Variants in WNT2 observed in about 807,000 individuals in gnomAD.
WNT2 encodes the protein Wnt family member 2.
Under a neutral mutation model 36.9 loss-of-function variants are expected in WNT2, and 12 were observed. That is an observed-to-expected ratio of 0.33 (90% CI 0.21 to 0.53). WNT2 has a LOEUF of 0.53. WNT2 is among the 20% of genes least tolerant of loss of function. The pLI is 0.95. For missense variants in WNT2, 379 were observed against 473.1 expected (o/e 0.80, Z 1.84); for synonymous variants, 163 against 174.6 (o/e 0.93, Z 0.52).
intron 3 of WNT2, among the ~76,000 whole-genome samples, chr7:117,311,974 C>G (rs1795129880): frequency 1.3e-5 from 2 of 152,286 alleles, no homozygotes; most frequent in African/African-American, 4.8e-5. Context: ...AAAGTATTTT[C>G]ATGGAATTCC....
At chr7:117,311,459 T>C (rs1795121197) in intron 3 of WNT2, among the ~76,000 whole-genome samples, 1 of 152,240 alleles carries the variant, frequency 6.6e-6, no homozygotes, top group South Asian at 2.1e-4. Context: ...GACCCTGCTT[T>C]AGTCTCTCCA....
At chr7:117,295,120 G>A (rs562900174) in intron 4 of WNT2, among the ~76,000 whole-genome samples, 3 of 149,264 alleles carry the variant, frequency 2.0e-5, no homozygotes, top group Non-Finnish European at 4.4e-5. Context: ...GAAGAGAGAC[G>A]AGACGAGACG....
At chr7:117,300,210 C>A (rs1267113107) in intron 3 of WNT2, among the ~76,000 whole-genome samples, 1 of 152,064 alleles carries the variant, frequency 6.6e-6, no homozygotes, top group Non-Finnish European at 1.5e-5. Context: ...GTTTTTGAGA[C>A]TGTGTCTTGC....
intron 2 of WNT2, among the ~76,000 whole-genome samples, chr7:117,317,265 G>A (rs979311372): frequency 6.6e-6 from 1 of 152,202 alleles, no homozygotes; most frequent in African/African-American, 2.4e-5. Flanking sequence ...AATTGTCTAG[G>A]TGCAGAATTC....
chr7:117,320,479 T>C, intron 2 of WNT2, 88 bp downstream of exon 2: 3 of 1,293,876 alleles, frequency 2.3e-6, no homozygotes, highest in Non-Finnish European at 3.3e-6. Context: ...TAAAATGCAA[T>C]AGAAGATAAG....
chr7:117,290,575 A>C (rs893326225), intron 4 of WNT2, among the ~76,000 whole-genome samples: 2 of 152,236 alleles, frequency 1.3e-5, no homozygotes, highest in Admixed American at 1.3e-4. Flanking sequence ...ATGAATTTCT[A>C]TAAGTGTCAA....
intron 3 of WNT2, among the ~76,000 whole-genome samples, chr7:117,309,329 C>T (rs1295022117): frequency 4.6e-5 from 7 of 152,270 alleles, no homozygotes; most frequent in South Asian, 4.2e-4. Flanking sequence ...TCTGTCCCAG[C>T]GCCCAGGTAG....
chr7:117,292,910 G>C (rs946362053), intron 4 of WNT2, among the ~76,000 whole-genome samples: 7 of 152,040 alleles, frequency 4.6e-5, no homozygotes, highest in African/African-American at 1.7e-4. Flanking sequence ...CTAATAATTA[G>C]GGAAAATTAG....
chr7:117,286,297 T>C (rs183961640), intron 4 of WNT2, among the ~76,000 whole-genome samples: 50 of 152,282 alleles, frequency 3.3e-4, no homozygotes, highest in Middle Eastern at 3.4e-3. Flanking sequence ...CTGTCTCCAC[T>C]AACATGCATC....
intron 4 of WNT2, among the ~76,000 whole-genome samples, chr7:117,290,966 A>T (rs1794678751): frequency 6.6e-6 from 1 of 152,260 alleles, no homozygotes; most frequent in Non-Finnish European, 1.5e-5. Context: ...ATTGGCTGAC[A>T]TATTTTTAAT....
intron 3 of WNT2, among the ~76,000 whole-genome samples, chr7:117,301,876 C>T (rs937637459): frequency 5.0e-5 from 7 of 139,566 alleles, no homozygotes; most frequent in Admixed American, 1.5e-4. Context: ...GGTGTGATCT[C>T]GGCTCACTGC....
chr7:117,278,116 C>T lies in WNT2; in HGVS notation c.*39G>A, dbSNP rs1463363800. 2.5e-6 allele frequency: 4 copies of T among 1,605,384 alleles called. No individual in the cohort carries two copies. The highest frequency in any genetic ancestry group is 1.7e-5 in the Admixed American group (1 of 59,948). On this transcript the variant is annotated 3_prime_UTR_variant, in exon 5 of 5. Transcript: ENST00000265441. ...AGTGTTCTTGCAGATCCAATGGAGTCCTTGTAGAAGGGAAGGTGGATGGTG... is the reference window on the plus strand; with the variant it reads ...AGTGTTCTTGCAGATCCAATGGAGTTCTTGTAGAAGGGAAGGTGGATGGTG...
chr7:117,318,573 T>C (rs1012825019), intron 2 of WNT2, among the ~76,000 whole-genome samples: 11 of 152,356 alleles, frequency 7.2e-5, no homozygotes, highest in Non-Finnish European at 1.5e-5. Context: ...CCTCCAGTCC[T>C]GTCACCCAGG....
chr7:117,292,932 T>G (rs912453474), intron 4 of WNT2, among the ~76,000 whole-genome samples: 1 of 152,156 alleles, frequency 6.6e-6, no homozygotes, highest in Non-Finnish European at 1.5e-5. Context: ...AATCATACAC[T>G]GCCTAAATCA....
rs1794386111 is a variant in WNT2, at chr7:117,276,729, T to C, written c.*1426A>G. 1 of 152,188 alleles carries C rather than the reference T, an allele frequency of 6.6e-6. No individual in the cohort carries two copies. The highest frequency in any genetic ancestry group is 1.5e-5 in the Non-Finnish European group (1 of 68,032). The allele number at this position is 152,188 out of a possible 1,614,324, so 9.4% of individuals were successfully genotyped here. A position where few individuals can be genotyped will look rare whatever the true frequency, so the allele number is the denominator to read the frequency against. ...CCAAATTTTTCAAGAAGACGAGAAGTAGCTATTTCACCTTTCTTTCATTTA... is the reference window on the plus strand; with the variant it reads ...CCAAATTTTTCAAGAAGACGAGAAGCAGCTATTTCACCTTTCTTTCATTTA... On this transcript the variant is annotated 3_prime_UTR_variant, in exon 5 of 5. Coordinates refer to ENST00000265441, the MANE Select transcript of WNT2 (RefSeq NM_003391.3).
At chr7:117,291,984 T>A (rs1207559863) in intron 4 of WNT2, among the ~76,000 whole-genome samples, 1 of 151,900 alleles carries the variant, frequency 6.6e-6, no homozygotes, top group Non-Finnish European at 1.5e-5. Context: ...TTCATGTTGG[T>A]CAGGCTGGTC....
At chr7:117,303,127 T>C (rs1794939156) in intron 3 of WNT2, among the ~76,000 whole-genome samples, 1 of 152,158 alleles carries the variant, frequency 6.6e-6, no homozygotes, top group South Asian at 2.1e-4. Context: ...TTGAAGGTAC[T>C]TGTGGTTCCT....
At position 117,315,087 on chromosome 7, in the gene WNT2, T is replaced by C. The variant is rs1015443833; in HGVS notation, c.572A>G (p.Asn191Ser). 1.2e-6 allele frequency: 2 copies of C among 1,614,052 alleles called. No individual in the cohort carries two copies. Among genetic ancestry groups the C allele is most frequent in the African/African-American group, 1.3e-5 (1 of 74,936 alleles). ...TTTCCATACCTTCCTGCCAGCTCTG[T>C]TGTTGTGAAGATTCATCAGGGCTCT... ...DARALMNLHN[N>S]RAGRKAVKRF... Residue 191 changes from asparagine (N) to serine (S), a missense_variant, in exon 3 of 5, where the codon AAC becomes AGC. By Grantham distance (46) the Asn-to-Ser change is conservative. Transcript: ENST00000265441.
At chr7:117,317,972 A>G (rs1795251638) in intron 2 of WNT2, among the ~76,000 whole-genome samples, 1 of 152,186 alleles carries the variant, frequency 6.6e-6, no homozygotes, top group South Asian at 2.1e-4. Flanking sequence ...GTATTCTTGC[A>G]GGAATATTTT....
Sources: gnomAD v4.1 joint callset for allele counts (sites outside exome capture counted in the v4.1 genomes callset) on GRCh38, gnomAD v4.1.1 for gene constraint, MANE v1.5 for transcripts, NCBI Gene and HGNC (gene_info 2026-07-23, HGNC 2026-07-21) for gene names.